The following LINGO2 variants were observed in gnomAD, a reference collection of about 807,000 sequenced individuals.
The protein encoded by LINGO2 is leucine rich repeat and Ig domain containing 2, also known as leucine-rich repeat and immunoglobulin-like domain-containing nogo receptor-interacting protein 2.
A neutral mutation model predicts 30.6 loss-of-function variants in LINGO2; 14 were observed. That is an observed-to-expected ratio of 0.46 (90% CI 0.30 to 0.72). The LOEUF is 0.72. Among genes scored for constraint, LINGO2 ranks in the 30% least tolerant of loss-of-function variants. LINGO2 has a pLI of 0.07. For synonymous variants in LINGO2, 317 were observed against 288.5 expected, an observed-to-expected ratio of 1.10 and a Z score of -1.00; for missense variants, 729 against 751.7, an observed-to-expected ratio of 0.97 and a Z score of 0.35.
chr9:28,527,979 G>C (rs1243505226), intron 1 of LINGO2, among the ~76,000 whole-genome samples: 1 of 152,062 alleles, frequency 6.6e-6, no homozygotes, highest in Non-Finnish European at 1.5e-5. Context: ...CAACTTACTA[G>C]TTCCAAACTA....
At chr9:28,004,522 A>T (rs947894702) in intron 5 of LINGO2, among the ~76,000 whole-genome samples, 8 of 152,202 alleles carry the variant, frequency 5.3e-5, no homozygotes, top group Admixed American at 1.3e-4. Context: ...TCTGACACTT[A>T]TGAGTCATTT....
intron 1 of LINGO2, among the ~76,000 whole-genome samples, chr9:28,517,656 A>G (rs1295629576): frequency 1.3e-5 from 2 of 152,206 alleles, no homozygotes; most frequent in East Asian, 3.8e-4. Context: ...GGAGGTACAA[A>G]TTAATCACAT....
chr9:28,188,425 C>T (rs566366785), intron 4 of LINGO2, among the ~76,000 whole-genome samples: 31 of 152,230 alleles, frequency 2.0e-4, no homozygotes, highest in Non-Finnish European at 4.1e-4. Flanking sequence ...TCTTCAACCA[C>T]CTGCTAAAGT....
chr9:28,956,888 C>T, the LINGO2 span, among the ~76,000 whole-genome samples: 2 of 151,088 alleles, frequency 1.3e-5, no homozygotes, highest in Admixed American at 6.6e-5. Context: ...GATTTAAACA[C>T]AGAATTTCTT....
chr9:28,103,769 G>C (rs1826486037), intron 4 of LINGO2, among the ~76,000 whole-genome samples: 1 of 152,264 alleles, frequency 6.6e-6, no homozygotes, highest in East Asian at 1.9e-4. Flanking sequence ...TGTACACATA[G>C]AGAATAAATG....
chr9:29,164,700 TGTATAAC>T, the LINGO2 span, among the ~76,000 whole-genome samples: 14 of 152,144 alleles, frequency 9.2e-5, no homozygotes, highest in South Asian at 2.9e-3. Context: ...TCAGTCAATT[TGTATAAC>T]ACACATACAC....
chr9:28,989,956 C>A, the LINGO2 span, among the ~76,000 whole-genome samples: 8 of 152,248 alleles, frequency 5.3e-5, no homozygotes, highest in Middle Eastern at 3.4e-3. Context: ...CAGCTCCCAG[C>A]GTGAGCGACG....
chr9:28,910,687 T>A, the LINGO2 span, among the ~76,000 whole-genome samples: 6 of 152,064 alleles, frequency 3.9e-5, no homozygotes, highest in East Asian at 1.9e-4. Flanking sequence ...TCTACCATGA[T>A]AGTAAGTTTC....
chr9:28,711,959 C>A, the LINGO2 span, among the ~76,000 whole-genome samples: 1 of 152,038 alleles, frequency 6.6e-6, no homozygotes, highest in African/African-American at 2.4e-5. Flanking sequence ...TGGTTATCTT[C>A]TCTGTTGGAA....
chr9:28,632,882 A>AT, intron 1 of LINGO2, among the ~76,000 whole-genome samples: 5 of 70,872 alleles, frequency 7.1e-5, no homozygotes, highest in African/African-American at 3.5e-4. Flanking sequence ...ATATATATGT[A>AT]GAGAGAGAGA....
At chr9:28,933,197 G>A in the LINGO2 span, among the ~76,000 whole-genome samples, 2 of 151,982 alleles carry the variant, frequency 1.3e-5, no homozygotes, top group East Asian at 1.9e-4. Flanking sequence ...ATGAGCCACC[G>A]TGCCCAGCCT....
chr9:28,278,437 T>C (rs540655812), intron 4 of LINGO2, among the ~76,000 whole-genome samples: 2 of 152,200 alleles, frequency 1.3e-5, no homozygotes, highest in Non-Finnish European at 2.9e-5. Flanking sequence ...TCAAAGGACA[T>C]GCTGATCCTC....
chr9:28,702,989 T>C, the LINGO2 span, among the ~76,000 whole-genome samples: 4 of 151,740 alleles, frequency 2.6e-5, no homozygotes, highest in African/African-American at 9.7e-5. Context: ...ACCTCTTTCA[T>C]TCCTGACATA....
At chr9:28,197,018 T>C (rs1158644194) in intron 4 of LINGO2, among the ~76,000 whole-genome samples, 1 of 151,980 alleles carries the variant, frequency 6.6e-6, no homozygotes, top group Non-Finnish European at 1.5e-5. Flanking sequence ...AATAATTTAC[T>C]GTATATTTCA....
At chr9:28,013,427 A>G (rs16912245) in intron 4 of LINGO2, among the ~76,000 whole-genome samples, 2,098 of 152,324 alleles carry the variant, frequency 0.014, 57 homozygotes, top group African/African-American at 0.049. Context: ...AATCTCGTTG[A>G]TGTTAAACTA....
At chr9:28,009,345 G>C (rs1000601338) in intron 5 of LINGO2, among the ~76,000 whole-genome samples, 6 of 109,014 alleles carry the variant, frequency 5.5e-5, no homozygotes, top group African/African-American at 1.0e-4. Flanking sequence ...AGTATCAAAA[G>C]CACAAGTGAT....
At chr9:28,089,180 T>A (rs930217622) in intron 4 of LINGO2, among the ~76,000 whole-genome samples, 3 of 152,014 alleles carry the variant, frequency 2.0e-5, no homozygotes, top group Non-Finnish European at 4.4e-5. Flanking sequence ...AACAAGGATA[T>A]CCAGGAATTG....
exon 6 of LINGO2, chr9:27,950,325 C>T: frequency 1.2e-6 from 2 of 1,614,122 alleles, no homozygotes; most frequent in Non-Finnish European, 1.7e-6. Flanking sequence ...CAGCTTTAGA[C>T]GATTGCCTTT....
intron 4 of LINGO2, among the ~76,000 whole-genome samples, chr9:28,093,738 A>G (rs1747273658): frequency 6.6e-6 from 1 of 151,850 alleles, no homozygotes; most frequent in African/African-American, 2.4e-5. Flanking sequence ...TCTTTCTCAC[A>G]CTCTCAACCA....
Sources: allele counts gnomAD v4.1 joint callset (sites outside exome capture counted in the v4.1 genomes callset), GRCh38; gene constraint gnomAD v4.1.1; transcripts MANE v1.5; gene names NCBI Gene and HGNC (gene_info 2026-07-23, HGNC 2026-07-21).